The following CCDC25 variants were observed in gnomAD, a reference collection of about 807,000 sequenced individuals.
CCDC25 encodes the protein coiled-coil domain-containing protein 25.
CCDC25 carries 16 observed loss-of-function variants against 35.3 expected under a neutral mutation model. The observed-to-expected ratio is 0.45, with a 90% CI of 0.31 to 0.69. The LOEUF is 0.69. CCDC25 is among the 30% of genes least tolerant of loss of function. The pLI, the probability that CCDC25 is intolerant of heterozygous loss-of-function variation, is 0.06. For synonymous variants in CCDC25, 79 were observed against 80.3 expected, an observed-to-expected ratio of 0.98 and a Z score of 0.09; for missense variants, 179 against 250.7, an observed-to-expected ratio of 0.71 and a Z score of 1.93.
intron 5 of CCDC25, 80 bp from the exon 6 acceptor site, chr8:27,748,678 T>C (rs1317759938): frequency 1.9e-6 from 2 of 1,032,558 alleles, no homozygotes; most frequent in Non-Finnish European, 3.0e-6. Context: ...CAAACTGCCA[T>C]AAGCCAACAA....
intron 7 of CCDC25, among the ~76,000 whole-genome samples, chr8:27,746,936 T>G (rs1803623685): frequency 6.6e-6 from 1 of 152,214 alleles, no homozygotes; most frequent in Admixed American, 6.5e-5. Context: ...GGTTAGGACA[T>G]GCCTAAGCAA....
At position 27,748,292 on chromosome 8, in the gene CCDC25, T is replaced by C. The variant is rs757629262; in HGVS notation, c.349-13A>G. On this transcript the variant is annotated splice_polypyrimidine_tract_variant and intron_variant, in intron 6 of 8. Transcript: ENST00000356537. ...TCACAATTTTTACCTTTAAGGGAGA[T>C]AGGAGAAAAGATATTGCATCTTTTT... 8.7e-6 allele frequency: 14 copies of C among 1,606,486 alleles called. No individual in the cohort carries two copies. Among genetic ancestry groups the C allele is most frequent in the African/African-American group, 4.0e-5 (3 of 74,482 alleles).
chr8:27,749,217 C>G (rs896454712), intron 5 of CCDC25, among the ~76,000 whole-genome samples: 2 of 152,220 alleles, frequency 1.3e-5, no homozygotes, highest in Non-Finnish European at 2.9e-5. Context: ...CACTCCTCCT[C>G]CTGCCCCTTC....
At chr8:27,772,281 CAT>C (rs1804652128) in intron 1 of CCDC25, among the ~76,000 whole-genome samples, 1 of 152,230 alleles carries the variant, frequency 6.6e-6, no homozygotes, top group Admixed American at 6.5e-5. Flanking sequence ...CCGATACAAA[CAT>C]AGCAGTGGCA....
At chr8:27,757,928 C>T (rs1304647588) in intron 3 of CCDC25, among the ~76,000 whole-genome samples, 1 of 152,050 alleles carries the variant, frequency 6.6e-6, no homozygotes, top group Non-Finnish European at 1.5e-5. Context: ...AGTGCACAGC[C>T]CCGGCACCCT....
intron 2 of CCDC25, 56 bp from the exon 3 acceptor site, chr8:27,762,514 A>G: frequency 1.3e-6 from 2 of 1,519,164 alleles, no homozygotes; most frequent in Non-Finnish European, 1.8e-6. Flanking sequence ...AAGATATGCC[A>G]GGGTTTATAA....
rs565054332 is a variant in CCDC25 at position 27,751,900 on chromosome 8, C to A, written c.244+612G>T. Among the ~76,000 whole-genome samples the A allele has an allele frequency of 2.0e-5, 3 of 152,290 alleles. No homozygotes were observed. In the South Asian group the frequency reaches 6.2e-4, roughly 32 times the overall value. ...CTAATTGTTCTCAACCCATGCTGCA[C>A]AGGAGAATCACCCAGAGAGCTTTTA... On this transcript the variant is annotated intron_variant, in intron 5 of 8. Transcript: ENST00000356537.
rs1371630862 is a variant in CCDC25, at chr8:27,740,492, C to T, written c.577G>A (p.Glu193Lys). 2.5e-6 allele frequency: 4 copies of T among 1,612,326 alleles called. No individual in the cohort carries two copies. The highest frequency in any genetic ancestry group is 3.4e-6 in the Non-Finnish European group (4 of 1,179,456). ...CATACCTGATTTGAAGACATATTTT[C>T]AACTTTCATTAGTGATGAATAGCTC... is the stretch of plus-strand genomic sequence containing the variant. ...LRSYSSLMKVENMSSNQDGND... is the reference protein window; with the variant it reads ...LRSYSSLMKVKNMSSNQDGND... The change falls in exon 8 of 9, where the codon GAA (glutamate) becomes AAA (lysine). Residue 193 changes from glutamate (E) to lysine (K), a missense_variant. Physicochemically the swap from Glu to Lys is moderately conservative, Grantham distance 56 (BLOSUM62 1). Coordinates refer to ENST00000356537, the MANE Select transcript of CCDC25 (RefSeq NM_018246.3).
chr8:27,751,099 C>T lies in CCDC25; in HGVS notation c.244+1413G>A, dbSNP rs137967053. 1.2e-3 allele frequency among the ~76,000 whole-genome samples: 187 copies of T among 152,320 alleles called. 1 individual carries two copies. The highest frequency in any genetic ancestry group is 4.1e-3 in the African/African-American group (169 of 41,566). The stretch of plus-strand genomic sequence containing the variant: ...AGTAATTCAGTGTCATGACTCTTTG[C>T]TCCTCTTTGTTTTCTCTAGAATTAG... On this transcript the variant is annotated intron_variant, in intron 5 of 8. Coordinates refer to ENST00000356537, the MANE Select transcript of CCDC25 (RefSeq NM_018246.3).
chr8:27,739,419 G>GGA (rs1033144640), intron 8 of CCDC25, among the ~76,000 whole-genome samples: 1 of 151,722 alleles, frequency 6.6e-6, no homozygotes, highest in African/African-American at 2.4e-5. Flanking sequence ...GACTTGTAAG[G>GGA]GATCTTAAAT....
In CCDC25 at chr8:27,735,489, G is replaced by C. The variant is rs939770072; in HGVS notation, c.*727C>G. The C allele has an allele frequency of 6.6e-6, 1 of 152,150 alleles. No homozygotes were observed. Among genetic ancestry groups the C allele is most frequent in the Non-Finnish European group, 1.5e-5 (1 of 68,050 alleles). The allele number at this position is 152,150 out of a possible 1,614,324, so 9.4% of individuals were successfully genotyped here. On this transcript the variant is annotated 3_prime_UTR_variant, in exon 9 of 9. Transcript: ENST00000356537. ...CCCTCAATGCTGAGAAATTACTCCT[G>C]GGCCCAGAAGTTGTCACATAGGTGG...
chr8:27,757,259 C>T (rs573458754), intron 3 of CCDC25, among the ~76,000 whole-genome samples: 79 of 152,276 alleles, frequency 5.2e-4, no homozygotes, highest in African/African-American at 1.8e-3. Flanking sequence ...ATGACAGTTT[C>T]GTTTGTGACA....
At chr8:27,749,162 C>A (rs1051969503) in intron 5 of CCDC25, among the ~76,000 whole-genome samples, 2 of 152,204 alleles carry the variant, frequency 1.3e-5, no homozygotes, top group African/African-American at 4.8e-5. Context: ...CAGAAGTCAT[C>A]AAAGCAGAGG....
At chr8:27,742,221 T>A (rs1350455628) in intron 7 of CCDC25, among the ~76,000 whole-genome samples, 2 of 152,070 alleles carry the variant, frequency 1.3e-5, no homozygotes, top group Admixed American at 6.5e-5. Context: ...GAAGGAGAAA[T>A]GTCACAGTCA....
At chr8:27,770,110 C>T (rs571536941) in intron 1 of CCDC25, among the ~76,000 whole-genome samples, 1 of 152,266 alleles carries the variant, frequency 6.6e-6, no homozygotes, top group South Asian at 2.1e-4. Context: ...CACCACCGTA[C>T]TCTAGCCCGA....
chr8:27,762,593 C>G (rs996542234), intron 2 of CCDC25, 135 bp from the exon 3 acceptor site: 39 of 619,534 alleles, frequency 6.3e-5, no homozygotes, highest in South Asian at 4.8e-4. Flanking sequence ...AATTCGGAGG[C>G]CTTGATGCTT....
In CCDC25 at chr8:27,748,527, C is replaced by A. The variant is rs774856802; in HGVS notation, c.316G>T (p.Val106Leu). ...TGCCTGTGAAAGCCTATCTGCCCCA[C>A]ATCCATGTCAGCTGTTTTCTTCAGG... ...SNLKKTADMD[V>L]GQIGFHRQKD... Residue 106 changes from valine (V) to leucine (L), a missense_variant, in exon 6 of 9, where the codon GTG becomes TTG. Coordinates refer to ENST00000356537, the MANE Select transcript of CCDC25 (RefSeq NM_018246.3). The A allele has an allele frequency of 9.9e-6, 16 of 1,612,998 alleles. No individual in the cohort carries two copies. The highest frequency in any genetic ancestry group is 4.4e-5 in the South Asian group (4 of 91,042).
intron 1 of CCDC25, among the ~76,000 whole-genome samples, chr8:27,769,499 T>C (rs1804513142): frequency 6.6e-6 from 1 of 152,238 alleles, no homozygotes; most frequent in African/African-American, 2.4e-5. Context: ...ATCTATGTTG[T>C]TGAAGATTCA....
chr8:27,742,141 C>T (rs903777402), intron 7 of CCDC25, among the ~76,000 whole-genome samples: 3 of 152,016 alleles, frequency 2.0e-5, no homozygotes, highest in South Asian at 2.1e-4. Context: ...TGAGACATGC[C>T]GCATTTGAAG....
Sources: gnomAD v4.1 joint callset for allele counts (sites outside exome capture counted in the v4.1 genomes callset) on GRCh38, gnomAD v4.1.1 for gene constraint, MANE v1.5 for transcripts, NCBI Gene and HGNC (gene_info 2026-07-23, HGNC 2026-07-21) for gene names.